FMNL3: variants seen among roughly 807,000 people sequenced by gnomAD.
FMNL3 encodes formin-like protein 3.
In FMNL3, 57 loss-of-function variants were observed where a neutral mutation model predicts 119.6. The ratio of observed to expected loss-of-function variants is 0.48; its 90% confidence interval spans 0.39 to 0.59. The LOEUF (loss-of-function observed/expected upper bound fraction) is 0.59. FMNL3 is among the 20% of genes least tolerant of loss of function. FMNL3 has a pLI of 0.00. For synonymous variants in FMNL3, 491 were observed against 507.3 expected (o/e 0.97, Z 0.43); for missense variants, 1,053 against 1,323.5 (o/e 0.80, Z 3.17).
chr12:49,650,024 T>C (rs375337927), intron 17 of FMNL3, 99 bp from the exon 18 acceptor site: 19 of 1,070,458 alleles, frequency 1.8e-5, no homozygotes, highest in East Asian at 1.0e-4. Context: ...GACAGGGGAC[T>C]GTACACGGAA....
chr12:49,638,831 TAC>T lies in FMNL3; in HGVS notation c.*6982_*6983del, dbSNP rs1942214873. On this transcript the variant is annotated 3_prime_UTR_variant, in exon 26 of 26. Transcript: ENST00000335154. ...AGTGTTCCACCAGAGTACACCTAAT[TAC>T]AGAGATTAAATGGTACCTGGGTTGA... 1 of 152,184 alleles carries T rather than the reference TAC, an allele frequency of 6.6e-6. No homozygotes were observed. Among genetic ancestry groups the T allele is most frequent in the African/African-American group, 2.4e-5 (1 of 41,434 alleles). The allele number at this position is 152,184 out of a possible 1,614,324, so 9.4% of individuals were successfully genotyped here. A position where few individuals can be genotyped will look rare whatever the true frequency, so the allele number is the denominator to read the frequency against.
chr12:49,649,302 T>C lies in FMNL3; in HGVS notation c.2342A>G (p.Lys781Arg). 1 of 1,614,188 alleles carries C rather than the reference T, an allele frequency of 6.2e-7. No homozygotes were observed. Among genetic ancestry groups the C allele is most frequent in the Non-Finnish European group, 8.5e-7 (1 of 1,180,044 alleles). ...CTTGAAGCCATACACAGCTCCCCGCTTGCTGCTGTTCATGTAGTTCCCCAG... is the reference window on the plus strand; with the variant it reads ...CTTGAAGCCATACACAGCTCCCCGCCTGCTGCTGTTCATGTAGTTCCCCAG... Reference protein sequence around the residue: ...LALGNYMNSSKRGAVYGFKLQ... With the variant: ...LALGNYMNSSRRGAVYGFKLQ... The change falls in exon 20 of 26, where the codon AAG (lysine) becomes AGG (arginine). Residue 781 changes from lysine (K) to arginine (R), a missense_variant. Lys to Arg is a conservative substitution (Grantham distance 26). This residue lies in a region of FMNL3 where 324 missense variants were observed against 380.9 expected (regional missense o/e 0.85). Coordinates refer to ENST00000335154, the MANE Select transcript of FMNL3 (RefSeq NM_175736.5). This position sits in a 1 kb window ranked among gnomAD's most constrained non-coding sequence, Gnocchi z 5.6.
At chr12:49,693,056 T>A (rs985678756) in intron 1 of FMNL3, among the ~76,000 whole-genome samples, 1 of 152,222 alleles carries the variant, frequency 6.6e-6, no homozygotes, top group Non-Finnish European at 1.5e-5. Context: ...GGTCAGCAGG[T>A]GTCAAATGAT....
At chr12:49,655,078 G>C (rs1329657361) in intron 9 of FMNL3, 94 bp from the exon 10 acceptor site, 3 of 1,132,602 alleles carry the variant, frequency 2.6e-6, no homozygotes, top group Non-Finnish European at 3.9e-6. Context: ...GCAAAGGACT[G>C]GTTCAGACCA....
chr12:49,661,457 C>A (rs1335651640), intron 5 of FMNL3, among the ~76,000 whole-genome samples: 2 of 151,848 alleles, frequency 1.3e-5, no homozygotes, highest in East Asian at 3.8e-4. Context: ...TGCCTCCAAG[C>A]CCCCCTGCCT....
intron 1 of FMNL3, among the ~76,000 whole-genome samples, chr12:49,674,991 C>CG (rs1477237325): frequency 3.9e-5 from 6 of 152,190 alleles, no homozygotes; most frequent in Non-Finnish European, 1.5e-5. Context: ...ATTATACCCC[C>CG]GGGGCCTCTT....
In FMNL3 at chr12:49,640,162, C is replaced by G. The variant is rs1238785388; in HGVS notation, c.*5653G>C. 1 of 152,198 alleles carries G rather than the reference C, an allele frequency of 6.6e-6. No individual in the cohort carries two copies. Among genetic ancestry groups the G allele is most frequent in the Non-Finnish European group, 1.5e-5 (1 of 68,062 alleles). The allele number at this position is 152,198 out of a possible 1,614,324, so 9.4% of individuals were successfully genotyped here. A position where few individuals can be genotyped will look rare whatever the true frequency, so the allele number is the denominator to read the frequency against. ...CAGACCATGATGGTGCCTTTCATCC[C>G]ATAGGATAATGCAAAGAGCCCTGGA... On this transcript the variant is annotated 3_prime_UTR_variant, in exon 26 of 26. Transcript: ENST00000335154.
At chr12:49,683,107 G>A (rs1330214884) in intron 1 of FMNL3, among the ~76,000 whole-genome samples, 1 of 152,052 alleles carries the variant, frequency 6.6e-6, no homozygotes, top group Non-Finnish European at 1.5e-5. Context: ...CTCAACAACT[G>A]TGCTTCTCTC....
Position 49,681,306 on chromosome 12 carries a change from T to C in FMNL3, c.127-12752A>G, listed in dbSNP as rs147280063. 2.6e-3 allele frequency among the ~76,000 whole-genome samples: 395 copies of C among 152,274 alleles called. 2 individuals carry two copies. Among genetic ancestry groups the C allele is most frequent in the African/African-American group, 9.0e-3 (373 of 41,550 alleles). On this transcript the variant is annotated intron_variant, in intron 1 of 25. Coordinates refer to ENST00000335154, the MANE Select transcript of FMNL3 (RefSeq NM_175736.5). ...AGCTCCGCCTCCCGGGTTCACGCCA[T>C]TCTCCTGCCTCAGCCTCTCTGAGTA...
chr12:49,643,785 T>C lies in FMNL3; in HGVS notation c.*2030A>G. On this transcript the variant is annotated 3_prime_UTR_variant, in exon 26 of 26. Transcript: ENST00000335154. Reference sequence around the variant, plus strand: ...AAGGAACTTCTACCTAAGCCCCTGCTATTTTGTGAGTTCTGTTCTACCTGC... The same window carrying C: ...AAGGAACTTCTACCTAAGCCCCTGCCATTTTGTGAGTTCTGTTCTACCTGC... The C allele has an allele frequency of 6.2e-7, 1 of 1,613,640 alleles. No individual in the cohort carries two copies. Among genetic ancestry groups the C allele is most frequent in the Non-Finnish European group, 8.5e-7 (1 of 1,179,882 alleles).
chr12:49,688,494 G>A, intron 1 of FMNL3: 1 of 456,014 alleles, frequency 2.2e-6, no homozygotes. Flanking sequence ...AGACCAGTCT[G>A]GCCTTCTTGC....
chr12:49,668,567 C>T lies in FMNL3; in HGVS notation c.127-13G>A. On this transcript the variant is annotated splice_polypyrimidine_tract_variant and intron_variant, in intron 1 of 25. Coordinates refer to ENST00000335154, the MANE Select transcript of FMNL3 (RefSeq NM_175736.5). ...GGTTCATGGAGCTCTGAGGAGAGAA[C>T]CTGAGTCAACAAGGCTGAAACCTCC... is the stretch of plus-strand genomic sequence containing the variant. 1 of 1,613,524 alleles carries T rather than the reference C, an allele frequency of 6.2e-7. No individual in the cohort carries two copies. Among genetic ancestry groups the T allele is most frequent in the Non-Finnish European group, 8.5e-7 (1 of 1,179,534 alleles).
Position 49,647,065 on chromosome 12 carries a change from G to A in FMNL3, c.2872-56C>T, listed in dbSNP as rs961982493. 2 of 1,610,482 alleles carry A rather than the reference G, an allele frequency of 1.2e-6. No individual in the cohort carries two copies. Among genetic ancestry groups the A allele is most frequent in the Admixed American group, 1.7e-5 (1 of 59,846 alleles). ...TCATCACTAACCTAATGTGGGACTGGTTCCTGCCCCAAGGTGCAGTCTGAG... is the reference window on the plus strand; with the variant it reads ...TCATCACTAACCTAATGTGGGACTGATTCCTGCCCCAAGGTGCAGTCTGAG... On this transcript the variant is annotated intron_variant, in intron 24 of 25. Coordinates refer to ENST00000335154, the MANE Select transcript of FMNL3 (RefSeq NM_175736.5). The surrounding 1 kb of genome is among the most constrained non-coding windows in gnomAD (Gnocchi z 4.9).
chr12:49,636,516 ATTCTT>A lies in FMNL3; in HGVS notation c.*9294_*9298del, dbSNP rs1941823514. On this transcript the variant is annotated 3_prime_UTR_variant, in exon 26 of 26. Transcript: ENST00000335154. ...ACAAGAGCTGAATACTTGCTTATTTATTCTTATACAATTAATGATCCCCTCTTAAG... is the reference window on the plus strand; with the variant it reads ...ACAAGAGCTGAATACTTGCTTATTTAATACAATTAATGATCCCCTCTTAAG... 1.8e-6 allele frequency: 1 copy of A among 568,546 alleles called. No homozygotes were observed. Among genetic ancestry groups the A allele is most frequent in the Admixed American group, 3.0e-5 (1 of 33,038 alleles). 35.2% of individuals were successfully genotyped at this position (568,546 alleles called of 1,614,324 possible).
intron 13 of FMNL3, 114 bp downstream of exon 13, chr12:49,653,112 T>G: frequency 1.0e-6 from 1 of 970,630 alleles, no homozygotes; most frequent in South Asian, 1.4e-5. Context: ...ACCTCAAGGG[T>G]GAATCAAGAT....
intron 4 of FMNL3, among the ~76,000 whole-genome samples, chr12:49,663,002 C>G (rs988870203): frequency 5.3e-5 from 8 of 152,340 alleles, no homozygotes; most frequent in African/African-American, 1.9e-4. Context: ...TCCCCAACAG[C>G]TGGAAAACCA....
At chr12:49,658,220 TG>T (rs758259422) in intron 6 of FMNL3, among the ~76,000 whole-genome samples, 1 of 151,946 alleles carries the variant, frequency 6.6e-6, no homozygotes, top group Non-Finnish European at 1.5e-5. Context: ...AACCCCACGT[TG>T]GGTAAGTGCA....
chr12:49,689,534 A>G (rs1002111431), intron 1 of FMNL3, among the ~76,000 whole-genome samples: 1 of 152,162 alleles, frequency 6.6e-6, no homozygotes, highest in African/African-American at 2.4e-5. Context: ...CCAGGAGTTC[A>G]AGACCAGCTT....
chr12:49,649,240 G>A lies in FMNL3; in HGVS notation c.2385+19C>T, dbSNP rs144511742. 28,310 of 1,613,990 alleles carry A rather than the reference G, an allele frequency of 0.018. 289 individuals are homozygous for A. The highest frequency in any genetic ancestry group is 0.023 in the South Asian group (2,124 of 91,048). On this transcript the variant is annotated intron_variant, in intron 20 of 25. Coordinates refer to ENST00000335154, the MANE Select transcript of FMNL3 (RefSeq NM_175736.5). This position sits in a 1 kb window ranked among gnomAD's most constrained non-coding sequence, Gnocchi z 5.6. ...CTGCCCCCCAGGCTTCCTGGCCCACGCTGCCCTCACCATCTTACCAGATCC... is the reference window on the plus strand; with the variant it reads ...CTGCCCCCCAGGCTTCCTGGCCCACACTGCCCTCACCATCTTACCAGATCC...
Sources: gnomAD v4.1 joint callset for allele counts (sites outside exome capture counted in the v4.1 genomes callset) on GRCh38, gnomAD v4.1.1 for gene constraint, gnomAD v4.1.1 regional missense constraint, Gnocchi (gnomAD v3.1) non-coding constraint, MANE v1.5 for transcripts, NCBI Gene and HGNC (gene_info 2026-07-23, HGNC 2026-07-21) for gene names.